Variants in TRMT11 observed in about 807,000 individuals in gnomAD.
The protein encoded by TRMT11 is tRNA (guanine(10)-N(2))-methyltransferase TRMT11.
In TRMT11, 53 loss-of-function variants were observed where a neutral mutation model predicts 62.8. That is an observed-to-expected ratio of 0.84 (90% confidence interval 0.68 to 1.06). The LOEUF (loss-of-function observed/expected upper bound fraction) is 1.06, where lower values mean the gene tolerates loss of function less well. TRMT11 is among the 50% of genes least tolerant of loss of function. The probability of loss-of-function intolerance (pLI) is 0.00; values close to 1 mark genes in which losing one functional copy is unlikely to be tolerated. For synonymous variants in TRMT11, 188 were observed against 190.3 expected (o/e 0.99, Z 0.10); for missense variants, 556 against 553.4 (o/e 1.00, Z -0.05).
intron 17 of TRMT11, among the ~76,000 whole-genome samples, chr6:126,076,272 G>T (rs1490964422): frequency 6.6e-6 from 1 of 152,150 alleles, no homozygotes; most frequent in Admixed American, 6.5e-5. Context: ...CTGGGCATGT[G>T]CCCTATACCT....
the TRMT11 span, among the ~76,000 whole-genome samples, chr6:126,222,589 C>T: frequency 3.3e-5 from 5 of 151,534 alleles, no homozygotes; most frequent in African/African-American, 1.2e-4. Flanking sequence ...TTTTGGCTAT[C>T]GTGAATGGGA....
chr6:126,012,645 G>T, intron 9 of TRMT11, 126 bp from the exon 10 acceptor site: 1 of 621,484 alleles, frequency 1.6e-6, no homozygotes, highest in East Asian at 2.6e-5. Context: ...ATTTTCAGTT[G>T]GATTTGTGCA....
intron 3 of TRMT11, among the ~76,000 whole-genome samples, chr6:126,200,782 T>C (rs937418856): frequency 3.9e-5 from 6 of 152,130 alleles, no homozygotes; most frequent in African/African-American, 1.4e-4. Flanking sequence ...TTCAATCTCC[T>C]GACCTTGTGA....
At chr6:125,990,143 T>C (rs1252818235) in intron 1 of TRMT11, among the ~76,000 whole-genome samples, 3 of 152,196 alleles carry the variant, frequency 2.0e-5, no homozygotes, top group Non-Finnish European at 4.4e-5. Context: ...AAAGGGATCC[T>C]GTGGGTCTGT....
At chr6:126,089,088 C>G (rs113651864) in intron 17 of TRMT11, among the ~76,000 whole-genome samples, 6 of 151,636 alleles carry the variant, frequency 4.0e-5, no homozygotes, top group Non-Finnish European at 5.9e-5. Context: ...ACATATTATA[C>G]TCTCTGCAAA....
chr6:126,026,392 TAA>T (rs1562282333), intron 12 of TRMT11, among the ~76,000 whole-genome samples: 221 of 152,110 alleles, frequency 1.5e-3, no homozygotes, highest in African/African-American at 5.0e-3. Flanking sequence ...TGTTTTTTTT[TAA>T]TTTTTTTTTT....
the TRMT11 span, among the ~76,000 whole-genome samples, chr6:126,217,411 G>A: frequency 2.6e-3 from 397 of 152,322 alleles, 5 homozygotes; most frequent in African/African-American, 9.3e-3. Context: ...CGACTTGGGT[G>A]TTATGATCCA....
At chr6:126,259,545 A>T in the TRMT11 span, among the ~76,000 whole-genome samples, 2 of 152,170 alleles carry the variant, frequency 1.3e-5, no homozygotes, top group African/African-American at 2.4e-5. Context: ...TATTATGTTG[A>T]TGGCATATCT....
At chr6:126,152,834 C>T (rs926682129) in intron 21 of TRMT11, among the ~76,000 whole-genome samples, 1 of 152,138 alleles carries the variant, frequency 6.6e-6, no homozygotes, top group African/African-American at 2.4e-5. Context: ...TGCTGTCCTT[C>T]CTCAGTCACT....
chr6:126,103,443 A>C (rs1777426041), intron 17 of TRMT11, among the ~76,000 whole-genome samples: 1 of 152,200 alleles, frequency 6.6e-6, no homozygotes, highest in South Asian at 2.1e-4. Flanking sequence ...CAACACACAT[A>C]TATTTCTGTA....
At chr6:126,208,705 C>T (rs1055802991), downstream of TRMT11, among the ~76,000 whole-genome samples, 2 of 152,200 alleles carry the variant, frequency 1.3e-5, no homozygotes, top group Admixed American at 1.3e-4. Flanking sequence ...ATTCAATAGT[C>T]ATATATATTT....
intron 17 of TRMT11, among the ~76,000 whole-genome samples, chr6:126,111,094 G>A (rs1234079589): frequency 1.3e-5 from 2 of 152,060 alleles, no homozygotes; most frequent in African/African-American, 4.8e-5. Context: ...CCCTGGGAGG[G>A]ACTGCTTGTG....
intron 1 of TRMT11, among the ~76,000 whole-genome samples, chr6:126,191,057 A>G (rs1778592921): frequency 6.6e-6 from 1 of 152,092 alleles, no homozygotes; most frequent in Non-Finnish European, 1.5e-5. Flanking sequence ...CACACCATCC[A>G]CTGTATGACC....
intron 17 of TRMT11, among the ~76,000 whole-genome samples, chr6:126,102,451 A>G (rs1280524526): frequency 6.6e-6 from 1 of 151,690 alleles, no homozygotes; most frequent in Non-Finnish European, 1.5e-5. Flanking sequence ...TTGAAAAAAC[A>G]CAAAAGCAAA....
At chr6:126,188,001 C>T (rs1196559656) in intron 1 of TRMT11, among the ~76,000 whole-genome samples, 8 of 151,424 alleles carry the variant, frequency 5.3e-5, no homozygotes, top group Admixed American at 5.2e-4. Context: ...AAAGCTAGAA[C>T]CATAAAATGT....
chr6:126,121,683 A>G (rs1777650725), intron 21 of TRMT11, among the ~76,000 whole-genome samples: 1 of 152,154 alleles, frequency 6.6e-6, no homozygotes, highest in Non-Finnish European at 1.5e-5. Flanking sequence ...TTAGCAAAGT[A>G]TCTGGCACAC....
At chr6:126,254,727 C>T in the TRMT11 span, among the ~76,000 whole-genome samples, 1 of 152,092 alleles carries the variant, frequency 6.6e-6, no homozygotes, top group Non-Finnish European at 1.5e-5. Flanking sequence ...TTATTAAGAA[C>T]CACTGTTTGA....
chr6:126,005,204 C>G (rs1371364562), intron 7 of TRMT11, among the ~76,000 whole-genome samples: 10 of 152,106 alleles, frequency 6.6e-5, no homozygotes, highest in African/African-American at 2.4e-4. Flanking sequence ...GAGTGTGTAG[C>G]TTTACTTAAT....
chr6:126,034,425 A>G (rs1188951249), intron 12 of TRMT11, among the ~76,000 whole-genome samples: 1 of 152,180 alleles, frequency 6.6e-6, no homozygotes, highest in Non-Finnish European at 1.5e-5. Context: ...AGGATAAATG[A>G]TAGGGCTGAA....
Sources: allele counts gnomAD v4.1 joint callset (sites outside exome capture counted in the v4.1 genomes callset), GRCh38; gene constraint gnomAD v4.1.1; transcripts MANE v1.5; gene names NCBI Gene and HGNC (gene_info 2026-07-23, HGNC 2026-07-21).